Variants in DENND2D observed in about 807,000 individuals in gnomAD.
DENND2D encodes DENN domain containing 2D.
A neutral mutation model predicts 59.8 loss-of-function variants in DENND2D; 37 were observed. That is an observed-to-expected ratio of 0.62 (90% CI 0.48 to 0.81). DENND2D has a LOEUF of 0.81. Among genes scored for constraint, DENND2D ranks in the 40% least tolerant of loss-of-function variants. The probability of loss-of-function intolerance (pLI) is 0.00; values close to 1 mark genes in which losing one functional copy is unlikely to be tolerated. For synonymous variants in DENND2D, 219 were observed against 211.3 expected, an observed-to-expected ratio of 1.04 and a Z score of -0.31; for missense variants, 525 against 579.7, an observed-to-expected ratio of 0.91 and a Z score of 0.97.
upstream of DENND2D, among the ~76,000 whole-genome samples, chr1:111,201,594 G>C (rs1658807148): frequency 6.6e-6 from 1 of 152,192 alleles, no homozygotes; most frequent in Admixed American, 6.5e-5. Flanking sequence ...AAATCACCTT[G>C]GATTCTCACA....
At chr1:111,200,338 G>A (rs960356840) in intron 1 of DENND2D, 55 bp downstream of exon 1, 7 of 1,580,406 alleles carry the variant, frequency 4.4e-6, no homozygotes, top group Admixed American at 1.8e-5. Flanking sequence ...GGAAGAAACA[G>A]TCCCGCCTAA....
In DENND2D at chr1:111,187,378, T is replaced by G. The variant is rs1043319630; in HGVS notation, c.*227A>C. 3 of 539,620 alleles carry G rather than the reference T, an allele frequency of 5.6e-6. No individual in the cohort carries two copies. In the South Asian group the frequency reaches 6.9e-5, roughly 12 times the overall value. The allele number at this position is 539,620 out of a possible 1,614,324, so 33.4% of individuals were successfully genotyped here. On this transcript the variant is annotated 3_prime_UTR_variant, in exon 12 of 12. Coordinates refer to ENST00000357640, the MANE Select transcript of DENND2D (RefSeq NM_024901.5). ...GTGTCACCTCTGCAAAAAATGGAGC[T>G]CTGAGCCCAGTTCTGTGAGCATGGT...
In DENND2D at chr1:111,198,501, A is replaced by G. The variant is rs1658467258; in HGVS notation, c.356+129T>C. The G allele has an allele frequency of 4.6e-6, 4 of 876,858 alleles. No homozygotes were observed. The Admixed American group carries it at 8.9e-5, about 20-fold the overall frequency. 54.3% of individuals were successfully genotyped at this position (876,858 alleles called of 1,614,324 possible). On this transcript the variant is annotated intron_variant, in intron 3 of 11. Coordinates refer to ENST00000357640, the MANE Select transcript of DENND2D (RefSeq NM_024901.5). ...GGGACCCCAGGCCAGATGTTTTCAA[A>G]CAAATCAATTACACTCCCAGGCCGA...
At position 111,192,155 on chromosome 1, in the gene DENND2D, G is replaced by A; in HGVS notation, c.957C>T (p.Asp319=). The change falls in exon 8 of 12, where the codon GAC becomes GAT. Residue 319 remains aspartate, a synonymous_variant. Transcript: ENST00000357640. ...VQMRFQQEVM[D]SPMEEVLLVN... is the part of the protein sequence containing the mutation. ...CACATCATACCTCTTCCATAGGGCT[G>A]TCCATGACCTCCTGCTGGAAGCGCA... The A allele has an allele frequency of 6.2e-7, 1 of 1,609,146 alleles. No homozygotes were observed. Among genetic ancestry groups the A allele is most frequent in the Non-Finnish European group, 8.5e-7 (1 of 1,177,212 alleles).
intron 3 of DENND2D, 92 bp downstream of exon 3, chr1:111,198,538 T>C (rs780575756): frequency 8.5e-4 from 1,084 of 1,273,400 alleles, no homozygotes; most frequent in Non-Finnish European, 1.2e-3. Flanking sequence ...AATCAACAAA[T>C]GACAGCAGTG....
chr1:111,199,942 C>A, intron 1 of DENND2D, 144 bp from the exon 2 acceptor site: 1 of 1,092,494 alleles, frequency 9.2e-7, no homozygotes. Context: ...CCACCAGTCA[C>A]TCAGGATCAG....
intron 2 of DENND2D, among the ~76,000 whole-genome samples, chr1:111,199,144 C>A (rs2101501321): frequency 6.6e-6 from 1 of 152,220 alleles, no homozygotes; most frequent in South Asian, 2.1e-4. Context: ...AATGAGAAGG[C>A]TTCCCAACCC....
upstream of DENND2D, among the ~76,000 whole-genome samples, chr1:111,201,626 A>G (rs1470761746): frequency 2.0e-5 from 3 of 152,212 alleles, no homozygotes. Context: ...ATGAGTAAAT[A>G]CAGGGAAGGC....
rs1481195118 is a variant in DENND2D at position 111,186,502 on chromosome 1, A to C, written c.*1103T>G. On this transcript the variant is annotated 3_prime_UTR_variant, in exon 12 of 12. Transcript: ENST00000357640. ...TAGAATTTAGGAACTTCTGAGGGCC[A>C]CAAATACACACATTAAAAAAGGTAG... is the stretch of plus-strand genomic sequence containing the variant. Among the ~76,000 whole-genome samples the C allele has an allele frequency of 2.0e-5, 3 of 152,188 alleles. No individual in the cohort carries two copies. The highest frequency in any genetic ancestry group is 4.4e-5 in the Non-Finnish European group (3 of 68,022).
rs1431182790 is a variant in DENND2D at position 111,187,092 on chromosome 1, T to C, written c.*513A>G. 6.5e-6 allele frequency: 1 copy of C among 154,662 alleles called. No individual in the cohort carries two copies. Among genetic ancestry groups the C allele is most frequent in the Non-Finnish European group, 1.4e-5 (1 of 69,646 alleles). The allele number at this position is 154,662 out of a possible 1,614,324, so 9.6% of individuals were successfully genotyped here. On this transcript the variant is annotated 3_prime_UTR_variant, in exon 12 of 12. Transcript: ENST00000357640. ...TCCCCATGGCCAGGTCTTCCACTTG[T>C]AGTCCACTTGATTGTCATATTCATT...
At chr1:111,197,670 G>C (rs1190478846) in intron 4 of DENND2D, 2 of 1,388,792 alleles carry the variant, frequency 1.4e-6, no homozygotes, top group African/African-American at 2.9e-5. Flanking sequence ...GCAGGGAGAG[G>C]AGTTAGTTGT....
At chr1:111,191,150 G>C (rs1657728296) in intron 8 of DENND2D, among the ~76,000 whole-genome samples, 1 of 152,198 alleles carries the variant, frequency 6.6e-6, no homozygotes, top group Non-Finnish European at 1.5e-5. Context: ...CTCTGTCCCA[G>C]TTAGTCACAA....
At chr1:111,203,230 A>C (rs899897394), upstream of DENND2D, among the ~76,000 whole-genome samples, 1 of 152,238 alleles carries the variant, frequency 6.6e-6, no homozygotes, top group Admixed American at 6.5e-5. Flanking sequence ...GAGGAATGGC[A>C]ACAGGAGGAA....
intron 6 of DENND2D, chr1:111,195,668 A>AT: frequency 2.2e-6 from 1 of 448,772 alleles, no homozygotes; most frequent in Non-Finnish European, 4.0e-6. Flanking sequence ...CTCAACTTAC[A>AT]TGGTTTATTT....
At chr1:111,190,283 G>A (rs905205373) in intron 8 of DENND2D, among the ~76,000 whole-genome samples, 3 of 152,034 alleles carry the variant, frequency 2.0e-5, no homozygotes, top group African/African-American at 7.2e-5. Flanking sequence ...AGGAGACCAT[G>A]TGTCTACAGT....
Position 111,198,652 on chromosome 1 carries a change from C to A in DENND2D, c.334G>T (p.Ala112Ser). 1 of 1,614,010 alleles carries A rather than the reference C, an allele frequency of 6.2e-7. No individual in the cohort carries two copies. The highest frequency in any genetic ancestry group is 8.5e-7 in the Non-Finnish European group (1 of 1,179,914). ...LFCFPDGNEWASLTEYPRETF... is the reference protein window; with the variant it reads ...LFCFPDGNEWSSLTEYPRETF... ...TACCTGGGATACTCGGTGAGTGATG[C>A]CCACTCATTCCCATCTGGGAAGCAG... Residue 112 changes from alanine (A) to serine (S), a missense_variant, in exon 3 of 12, where the codon GCA becomes TCA. Transcript: ENST00000357640.
chr1:111,203,454 G>A (rs748695090), upstream of DENND2D, among the ~76,000 whole-genome samples: 2 of 152,238 alleles, frequency 1.3e-5, no homozygotes, highest in Non-Finnish European at 2.9e-5. Context: ...GGTCACGGCT[G>A]TTCAGCCATA....
At chr1:111,192,813 C>T (rs757378290) in intron 7 of DENND2D, among the ~76,000 whole-genome samples, 127 of 152,180 alleles carry the variant, frequency 8.3e-4, no homozygotes, top group Non-Finnish European at 1.5e-3. Flanking sequence ...AGCCTTTTTA[C>T]CTCGCTATGT....
chr1:111,186,903 T>C lies in DENND2D; in HGVS notation c.*702A>G, dbSNP rs922568625. ...CTAGACTGAAGCTGCTTCCCTTCAG[T>C]GAGCAGCCTCTCCTCCCAGGATTCT... is the stretch of plus-strand genomic sequence containing the variant. On this transcript the variant is annotated 3_prime_UTR_variant, in exon 12 of 12. Coordinates refer to ENST00000357640, the MANE Select transcript of DENND2D (RefSeq NM_024901.5). 6.6e-6 allele frequency among the ~76,000 whole-genome samples: 1 copy of C among 152,184 alleles called. No homozygotes were observed. Among genetic ancestry groups the C allele is most frequent in the Non-Finnish European group, 1.5e-5 (1 of 68,026 alleles).
Sources: gnomAD v4.1 joint callset for allele counts (sites outside exome capture counted in the v4.1 genomes callset) on GRCh38, gnomAD v4.1.1 for gene constraint, MANE v1.5 for transcripts, NCBI Gene and HGNC (gene_info 2026-07-23, HGNC 2026-07-21) for gene names.